MICAL3: variants seen among roughly 807,000 people sequenced by gnomAD.
MICAL3 encodes the protein [F-actin]-monooxygenase MICAL3.
A neutral mutation model predicts 207.4 loss-of-function variants in MICAL3; 62 were observed. That is an observed-to-expected ratio of 0.30 (90% confidence interval 0.24 to 0.37). The LOEUF is 0.37. Ranked by LOEUF, MICAL3 falls within the 10% of genes least tolerant of loss-of-function variation. MICAL3 has a pLI of 1.00. For missense variants in MICAL3, 2,368 were observed against 2,635.6 expected, an observed-to-expected ratio of 0.90 and a Z score of 2.22; for synonymous variants, 1,077 against 1,069.3, an observed-to-expected ratio of 1.01 and a Z score of -0.14.
chr22:17,864,566 C>T (rs375492420), intron 19 of MICAL3: 6 of 1,460,262 alleles, frequency 4.1e-6, no homozygotes, highest in Middle Eastern at 2.5e-4. Context: ...TCTACCTACA[C>T]AGGACCTGGG....
intron 1 of MICAL3, among the ~76,000 whole-genome samples, chr22:18,000,435 T>TCC (rs1197402919): frequency 6.6e-6 from 1 of 152,072 alleles, no homozygotes; most frequent in Non-Finnish European, 1.5e-5. Flanking sequence ...ACGGGGCTGG[T>TCC]CCCCGCCCCT....
At chr22:17,885,048 C>T (rs1363182473) in intron 16 of MICAL3, among the ~76,000 whole-genome samples, 6 of 152,188 alleles carry the variant, frequency 3.9e-5, no homozygotes, top group Admixed American at 1.3e-4. Context: ...TGCGAATCTT[C>T]AAAATCCCAG....
chr22:17,864,494 A>G (rs967684016), intron 19 of MICAL3: 1 of 1,426,196 alleles, frequency 7.0e-7, no homozygotes, highest in African/African-American at 1.4e-5. Context: ...ATGAAGGCCG[A>G]GTGGCCTTGG....
chr22:17,976,957 C>A (rs1360240041), intron 1 of MICAL3, among the ~76,000 whole-genome samples: 1 of 152,000 alleles, frequency 6.6e-6, no homozygotes, highest in Non-Finnish European at 1.5e-5. Flanking sequence ...CAGGCGCCCG[C>A]CACCATGCCC....
chr22:17,923,695 T>A (rs767942385), intron 1 of MICAL3, among the ~76,000 whole-genome samples: 2 of 152,232 alleles, frequency 1.3e-5, no homozygotes, highest in East Asian at 3.9e-4. Flanking sequence ...GGGATACACA[T>A]TCTTTGGCTT....
chr22:17,964,608 G>A (rs148799134), intron 1 of MICAL3, among the ~76,000 whole-genome samples: 1 of 152,318 alleles, frequency 6.6e-6, no homozygotes, highest in East Asian at 1.9e-4. Flanking sequence ...TCTGCCATCT[G>A]TAACCCACCT....
chr22:17,929,263 T>G (rs1237368626), intron 1 of MICAL3, among the ~76,000 whole-genome samples: 1 of 99,826 alleles, frequency 1.0e-5, no homozygotes, highest in African/African-American at 4.7e-5. Flanking sequence ...CACGCCTGGC[T>G]AATTTTTTTT....
chr22:17,967,842 C>T (rs112644396), intron 1 of MICAL3, among the ~76,000 whole-genome samples: 6,239 of 151,054 alleles, frequency 0.041, 410 homozygotes, highest in African/African-American at 0.14. Flanking sequence ...GTCAGGAGTT[C>T]GAGACCAGCC....
At chr22:17,955,020 A>G (rs1053905707) in intron 1 of MICAL3, among the ~76,000 whole-genome samples, 5 of 152,152 alleles carry the variant, frequency 3.3e-5, no homozygotes, top group Admixed American at 3.3e-4. Flanking sequence ...CACTGCACCC[A>G]GCTTCAAGTC....
intron 1 of MICAL3, among the ~76,000 whole-genome samples, chr22:17,938,104 A>G (rs1197588644): frequency 1.3e-5 from 2 of 152,190 alleles, no homozygotes; most frequent in Non-Finnish European, 2.9e-5. Flanking sequence ...CTTCACAGAA[A>G]TATTTTCACT....
chr22:17,860,117 T>C, intron 19 of MICAL3: 1 of 910,144 alleles, frequency 1.1e-6, no homozygotes, highest in South Asian at 5.1e-5. Context: ...TCCCACCCTC[T>C]GGTCAAGAGA....
chr22:17,836,276 G>A (rs554989238), intron 20 of MICAL3, among the ~76,000 whole-genome samples: 19 of 152,222 alleles, frequency 1.2e-4, no homozygotes, highest in Admixed American at 3.3e-4. Flanking sequence ...AGCCCTGACC[G>A]CGTGCCCGCA....
chr22:17,936,983 A>G (rs1192439997), intron 1 of MICAL3, among the ~76,000 whole-genome samples: 1 of 152,098 alleles, frequency 6.6e-6, no homozygotes, highest in African/African-American at 2.4e-5. Flanking sequence ...CCCCAACCCC[A>G]CTACGTATGT....
intron 1 of MICAL3, among the ~76,000 whole-genome samples, chr22:17,972,714 T>C (rs1057405645): frequency 1.3e-5 from 2 of 152,160 alleles, no homozygotes; most frequent in Non-Finnish European, 2.9e-5. Context: ...CAGAGAGCTA[T>C]GGATCTCATT....
In MICAL3 at chr22:17,818,146, G is replaced by T. The variant is rs1350576512; in HGVS notation, c.4515C>A (p.Pro1505=). The T allele has an allele frequency of 2.5e-6, 4 of 1,605,426 alleles. No individual in the cohort carries two copies. The highest frequency in any genetic ancestry group is 4.5e-5 in the East Asian group (2 of 44,612). The change falls in exon 26 of 32, where the codon CCC becomes CCA. Residue 1505 remains proline, a synonymous_variant. Coordinates refer to ENST00000441493, the MANE Select transcript of MICAL3 (RefSeq NM_015241.3). ...CAAACGACTTCCGCACCTCCTCTCT[G>T]GGGGGCTGAGCAGGCTCCCGGGGGG... ...MRPPREPAQP[P]REEVRKSFVE... is the part of the protein sequence containing the mutation.
intron 1 of MICAL3, among the ~76,000 whole-genome samples, chr22:17,994,515 C>T (rs1922058374): frequency 6.6e-6 from 1 of 152,148 alleles, no homozygotes; most frequent in African/African-American, 2.4e-5. Flanking sequence ...CAGTTCAAGA[C>T]CAGACTGGGC....
intron 20 of MICAL3, chr22:17,839,443 G>C (rs1380653878): frequency 6.6e-6 from 1 of 151,256 alleles, no homozygotes; most frequent in Non-Finnish European, 1.5e-5. Context: ...TTTTAGTAGA[G>C]ACAGGGTTTC....
intron 2 of MICAL3, among the ~76,000 whole-genome samples, chr22:17,905,633 A>G (rs1488484351): frequency 6.6e-6 from 1 of 152,190 alleles, no homozygotes; most frequent in African/African-American, 2.4e-5. Context: ...GGTATCCCCT[A>G]TTGCACAAAT....
chr22:17,826,245 C>A (rs557852828), intron 22 of MICAL3, among the ~76,000 whole-genome samples: 1 of 149,552 alleles, frequency 6.7e-6, no homozygotes, highest in Non-Finnish European at 1.5e-5. Flanking sequence ...CCTGCCCTCA[C>A]GTTTCCCTCT....
Sources: gnomAD v4.1 joint callset for allele counts (sites outside exome capture counted in the v4.1 genomes callset) on GRCh38, gnomAD v4.1.1 for gene constraint, MANE v1.5 for transcripts, NCBI Gene and HGNC (gene_info 2026-07-23, HGNC 2026-07-21) for gene names.